Variants in CAPS2 observed in about 807,000 individuals in gnomAD.
The protein encoded by CAPS2 is calcyphosine 2.
Under a neutral mutation model 86.5 loss-of-function variants are expected in CAPS2, and 98 were observed. The ratio of observed to expected loss-of-function variants is 1.13; its 90% CI spans 0.96 to 1.34. The LOEUF (loss-of-function observed/expected upper bound fraction) is 1.34. Among genes scored for constraint, CAPS2 ranks in the 40% most tolerant of loss-of-function variants. The pLI, the probability that CAPS2 is intolerant of heterozygous loss-of-function variation, is 0.00. For synonymous variants in CAPS2, 210 were observed against 225.1 expected (o/e 0.93, Z 0.60); for missense variants, 729 against 686.8 (o/e 1.06, Z -0.69).
At chr12:75,329,922 T>G (rs2041146739), upstream of CAPS2, 1 of 1,466,792 alleles carries the variant, frequency 6.8e-7, no homozygotes, top group Non-Finnish European at 9.3e-7. Context: ...GTCAGCCTGA[T>G]TTCACCTAAC....
At chr12:75,369,889 C>T in intron 1 of CAPS2, 1 of 1,322,988 alleles carries the variant, frequency 7.6e-7, no homozygotes, top group South Asian at 1.8e-5. Flanking sequence ...ATTCTAAAAG[C>T]CATAAAAGCA....
At chr12:75,294,893 A>G (rs1335463009) in intron 11 of CAPS2, 6 of 152,222 alleles carry the variant, frequency 3.9e-5, no homozygotes, top group Non-Finnish European at 8.8e-5. Context: ...GAGTCATACC[A>G]AAAAAAGAAA....
rs1270762289 is a variant in CAPS2 at position 75,298,589 on chromosome 12, A to T, written c.1044+98T>A. On this transcript the variant is annotated intron_variant, in intron 11 of 16. Transcript: ENST00000393284. Reference sequence around the variant, plus strand: ...CCCTGTTCAGGATGCAGGAGAGGAAATAAATTGAAGACTAGAAGCCCTACT... The same window carrying T: ...CCCTGTTCAGGATGCAGGAGAGGAATTAAATTGAAGACTAGAAGCCCTACT... The T allele has an allele frequency of 6.9e-6, 6 of 867,866 alleles. No individual in the cohort carries two copies. The East Asian group carries it at 1.3e-4, about 19-fold the overall frequency. 53.8% of individuals were successfully genotyped at this position (867,866 alleles called of 1,614,324 possible).
rs116959515 is a variant in CAPS2 at position 75,306,144 on chromosome 12, C to G, written c.660-1268G>C. The G allele has an allele frequency of 5.4e-3, 5,773 of 1,066,772 alleles. 42 individuals carry two copies. The highest frequency in any genetic ancestry group is 0.019 in the South Asian group (1,447 of 76,166). 66.1% of individuals were successfully genotyped at this position (1,066,772 alleles called of 1,614,324 possible). ...TCGGGAACGTGCGGAAGCTCATCAC[C>G]GAGGAGTTCGTCCAGCAGAATTACC... is the stretch of plus-strand genomic sequence containing the variant. On this transcript the variant is annotated intron_variant, in intron 7 of 16. Transcript: ENST00000393284.
intron 1 of CAPS2, among the ~76,000 whole-genome samples, chr12:75,382,746 A>G (rs1217819025): frequency 2.0e-5 from 3 of 152,234 alleles, no homozygotes; most frequent in Non-Finnish European, 4.4e-5. Context: ...GATAAGCAAG[A>G]GGCTTAAAGT....
intron 1 of CAPS2, chr12:75,369,370 A>G (rs2044204856): frequency 4.1e-6 from 1 of 243,240 alleles, no homozygotes; most frequent in Admixed American, 6.5e-5. Flanking sequence ...TTTTTCCACA[A>G]TAAAAGGGAT....
chr12:75,311,998 T>G (rs775465182), intron 7 of CAPS2, among the ~76,000 whole-genome samples: 8 of 152,208 alleles, frequency 5.3e-5, no homozygotes, highest in Non-Finnish European at 1.0e-4. Flanking sequence ...ATTATTTCTG[T>G]CATGCATTCT....
chr12:75,387,637 AAGGGGC>A (rs2045359624), intron 1 of CAPS2, among the ~76,000 whole-genome samples: 1 of 152,230 alleles, frequency 6.6e-6, no homozygotes, highest in South Asian at 2.1e-4. Flanking sequence ...TTTCAAAGTC[AAGGGGC>A]CATATCTGGT....
At chr12:75,350,642 A>G (rs903298697) in intron 1 of CAPS2, among the ~76,000 whole-genome samples, 1 of 152,200 alleles carries the variant, frequency 6.6e-6, no homozygotes, top group Admixed American at 6.5e-5. Context: ...GAACAAACAG[A>G]AAGCAACAAC....
intron 5 of CAPS2, among the ~76,000 whole-genome samples, chr12:75,317,412 A>C (rs1385875809): frequency 6.6e-6 from 1 of 152,206 alleles, no homozygotes; most frequent in East Asian, 1.9e-4. Context: ...TAGCATTTAT[A>C]GGTAAATTAA....
chr12:75,331,814 C>G (rs1310485899), upstream of CAPS2, among the ~76,000 whole-genome samples: 1 of 152,078 alleles, frequency 6.6e-6, no homozygotes, highest in Non-Finnish European at 1.5e-5. Context: ...CCGCCCCCCT[C>G]GGCCTCCCAA....
chr12:75,315,956 GC>G (rs2039710894), intron 6 of CAPS2, among the ~76,000 whole-genome samples: 1 of 151,896 alleles, frequency 6.6e-6, no homozygotes. Context: ...TCCTTAACTG[GC>G]CTGAATTTAT....
intron 13 of CAPS2, among the ~76,000 whole-genome samples, chr12:75,290,832 G>A (rs978599897): frequency 6.6e-6 from 1 of 151,378 alleles, no homozygotes; most frequent in Non-Finnish European, 1.5e-5. Flanking sequence ...TTGAGGCAAG[G>A]AGGCTCACTT....
At chr12:75,287,371 A>G (rs555996362) in intron 14 of CAPS2, among the ~76,000 whole-genome samples, 1 of 152,208 alleles carries the variant, frequency 6.6e-6, no homozygotes, top group South Asian at 2.1e-4. Flanking sequence ...ATTGTAGGCC[A>G]TAAGACCCCC....
At chr12:75,322,152 C>T (rs566274487) in intron 4 of CAPS2, among the ~76,000 whole-genome samples, 1 of 152,280 alleles carries the variant, frequency 6.6e-6, no homozygotes, top group South Asian at 2.1e-4. Flanking sequence ...TTTGCTGCCA[C>T]TCAGTAAAGT....
chr12:75,282,114 T>A, intron 16 of CAPS2, 137 bp downstream of exon 16: 1 of 634,746 alleles, frequency 1.6e-6, no homozygotes, highest in East Asian at 2.9e-5. Flanking sequence ...AGGCAAATAG[T>A]TCATAAGTTT....
intron 1 of CAPS2, among the ~76,000 whole-genome samples, chr12:75,382,040 T>C (rs2045023090): frequency 6.6e-6 from 1 of 152,218 alleles, no homozygotes. Flanking sequence ...CCTTTCAAAG[T>C]TGGCTTTTAT....
At chr12:75,359,727 G>A (rs982766496) in intron 1 of CAPS2, among the ~76,000 whole-genome samples, 2 of 151,720 alleles carry the variant, frequency 1.3e-5, no homozygotes, top group African/African-American at 4.8e-5. Flanking sequence ...AATGCACAAA[G>A]GTATTTCAGT....
intron 1 of CAPS2, among the ~76,000 whole-genome samples, chr12:75,372,204 G>A (rs919429526): frequency 5.3e-5 from 8 of 152,014 alleles, no homozygotes; most frequent in Non-Finnish European, 8.8e-5. Flanking sequence ...TAGTAGATGG[G>A]GTTTCACCAT....
Sources: allele counts gnomAD v4.1 joint callset (sites outside exome capture counted in the v4.1 genomes callset), GRCh38; gene constraint gnomAD v4.1.1; transcripts MANE v1.5; gene names NCBI Gene and HGNC (gene_info 2026-07-23, HGNC 2026-07-21).